The following SLCO4A1 variants were observed in gnomAD, a reference collection of about 807,000 sequenced individuals.
The protein encoded by SLCO4A1 is solute carrier organic anion transporter family member 4A1.
A neutral mutation model predicts 64.6 loss-of-function variants in SLCO4A1; 51 were observed. That is an observed-to-expected ratio of 0.79 (90% confidence interval 0.63 to 1.00). The LOEUF is 1.00. Among genes scored for constraint, SLCO4A1 ranks in the 50% least tolerant of loss-of-function variants. The probability of loss-of-function intolerance (pLI) is 0.00; values close to 1 mark genes in which losing one functional copy is unlikely to be tolerated. For missense variants in SLCO4A1, 919 were observed against 980.5 expected (o/e 0.94, Z 0.84); for synonymous variants, 471 against 444.9 (o/e 1.06, Z -0.74).
chr20:62,677,420 C>G (rs896778797), intron 2 of SLCO4A1, among the ~76,000 whole-genome samples: 1 of 152,212 alleles, frequency 6.6e-6, no homozygotes, highest in Admixed American at 6.5e-5. Flanking sequence ...CCATAACTTT[C>G]TGGTGTCTGT....
downstream of SLCO4A1, among the ~76,000 whole-genome samples, chr20:62,686,619 T>C (rs1416376690): frequency 6.6e-6 from 1 of 152,248 alleles, no homozygotes; most frequent in Non-Finnish European, 1.5e-5. Context: ...GGTTTTGTTT[T>C]CTTTCTTTTA....
downstream of SLCO4A1, among the ~76,000 whole-genome samples, chr20:62,689,331 G>A (rs904356422): frequency 4.6e-4 from 69 of 148,604 alleles, no homozygotes; most frequent in Middle Eastern, 3.4e-3. Flanking sequence ...CCCGTGCCTC[G>A]CAGGCCTGTC....
chr20:62,683,154 G>A (rs16983163), intron 2 of SLCO4A1, among the ~76,000 whole-genome samples: 25,534 of 152,264 alleles, frequency 0.17, 2,703 homozygotes, highest in East Asian at 0.36. Context: ...TGTGATCACC[G>A]TTTAATGACT....
intron 2 of SLCO4A1, among the ~76,000 whole-genome samples, chr20:62,680,756 T>C (rs992196146): frequency 2.6e-5 from 4 of 152,230 alleles, no homozygotes; most frequent in Non-Finnish European, 5.9e-5. Context: ...CAAATGTTGC[T>C]GGATTCAATT....
chr20:62,645,231 C>CA lies in SLCO4A1; in HGVS notation c.-97+2679dup, dbSNP rs1392533288. On this transcript the variant is annotated intron_variant, in intron 1 of 11. Transcript: ENST00000217159. This position sits in a 1 kb window ranked among gnomAD's most constrained non-coding sequence, Gnocchi z 4.2. ...AACAGGGAGGGAGGTGCCAGTAACT[C>CA]ACATGCTAGGTTAACAGGTTCTGGG... 6.6e-6 allele frequency among the ~76,000 whole-genome samples: 1 copy of CA among 152,148 alleles called. No individual in the cohort carries two copies. Among genetic ancestry groups the CA allele is most frequent in the African/African-American group, 2.4e-5 (1 of 41,428 alleles).
chr20:62,666,741 C>G (rs1601667374), intron 7 of SLCO4A1, 166 bp downstream of exon 7: 1 of 646,094 alleles, frequency 1.5e-6, no homozygotes, highest in East Asian at 2.7e-5. Context: ...CCGGCAGCAT[C>G]CACGTGAAAA....
chr20:62,665,724 C>T (rs1322661281), intron 6 of SLCO4A1: 2 of 153,736 alleles, frequency 1.3e-5, no homozygotes, highest in Admixed American at 6.4e-5. Context: ...ACCTCACAAG[C>T]CCACATTCCC....
downstream of SLCO4A1, among the ~76,000 whole-genome samples, chr20:62,689,392 G>A (rs184389106): frequency 1.5e-3 from 234 of 152,264 alleles, 1 homozygote; most frequent in African/African-American, 5.2e-3. Context: ...CCATCACACC[G>A]GTGCTCGTGC....
At chr20:62,670,888 A>G (rs182837828) in intron 11 of SLCO4A1, among the ~76,000 whole-genome samples, 3,085 of 152,368 alleles carry the variant, frequency 0.02, 104 homozygotes, top group South Asian at 0.15. Context: ...ATGCAGGCTC[A>G]GGGCCATCAG....
chr20:62,682,156 G>A (rs770658812), intron 2 of SLCO4A1, among the ~76,000 whole-genome samples: 5 of 152,224 alleles, frequency 3.3e-5, no homozygotes, highest in Admixed American at 6.5e-5. Context: ...CCCACTACTG[G>A]TGTTAGCTTG....
Position 62,685,490 on chromosome 20 carries a change from C to T in SLCO4A1, n.261C>T, listed in dbSNP as rs1988029322. ...CTGTAAACCCCATCTGAGCCTTACA[C>T]ATAGATCTCCTTGAATTGGATTTTC... On this transcript the variant is annotated non_coding_transcript_exon_variant, in exon 3 of 3. Transcript: ENST00000466818. The surrounding 1 kb of genome is among the most constrained non-coding windows in gnomAD (Gnocchi z 4.6). The T allele has an allele frequency of 1.0e-6, 1 of 972,986 alleles. No homozygotes were observed. The highest frequency in any genetic ancestry group is 1.2e-6 in the Non-Finnish European group (1 of 818,542). The allele number at this position is 972,986 out of a possible 1,614,324, so 60.3% of individuals were successfully genotyped here. A position where few individuals can be genotyped will look rare whatever the true frequency, so the allele number is the denominator to read the frequency against.
At chr20:62,682,479 G>T (rs117032633) in intron 2 of SLCO4A1, among the ~76,000 whole-genome samples, 1 of 152,298 alleles carries the variant, frequency 6.6e-6, no homozygotes, top group South Asian at 2.1e-4. Flanking sequence ...ACAGATGAGC[G>T]TGGTGACCGC....
At chr20:62,665,226 G>T in intron 6 of SLCO4A1, 138 bp downstream of exon 6, 1 of 982,266 alleles carries the variant, frequency 1.0e-6, no homozygotes, top group East Asian at 2.6e-5. Flanking sequence ...CAGAGCAGGT[G>T]TGGAGAGCGC....
chr20:62,680,896 A>G (rs1410945478), intron 2 of SLCO4A1, among the ~76,000 whole-genome samples: 2 of 152,062 alleles, frequency 1.3e-5, no homozygotes, highest in African/African-American at 4.8e-5. Context: ...ATAACTTGGG[A>G]AATGTCTCAT....
In SLCO4A1 at chr20:62,644,093, G is replaced by C. The variant is rs1338319136; in HGVS notation, c.-97+1540G>C. On this transcript the variant is annotated intron_variant, in intron 1 of 11. Transcript: ENST00000217159. The surrounding 1 kb of genome is among the most constrained non-coding windows in gnomAD (Gnocchi z 5.4). ...GACCCAGAACAGCGTCCCAAGAGCT[G>C]GGCCTGCGGTTACTGGGCCAGAGTG... 6.6e-6 allele frequency among the ~76,000 whole-genome samples: 1 copy of C among 152,234 alleles called. No homozygotes were observed. Among genetic ancestry groups the C allele is most frequent in the African/African-American group, 2.4e-5 (1 of 41,460 alleles).
intron 1 of SLCO4A1, among the ~76,000 whole-genome samples, chr20:62,655,234 G>C (rs190444710): frequency 1.3e-5 from 2 of 149,056 alleles, no homozygotes; most frequent in African/African-American, 4.9e-5. Context: ...CAGCAGCCCC[G>C]GGAAGGACCC....
chr20:62,684,782 G>A (rs983674972), intron 2 of SLCO4A1, among the ~76,000 whole-genome samples: 1 of 152,096 alleles, frequency 6.6e-6, no homozygotes, highest in African/African-American at 2.4e-5. Context: ...CATCAGGGCA[G>A]CCCCCACCCC....
Position 62,672,125 on chromosome 20 carries a change from G to T in SLCO4A1, c.*232G>T. 7.0e-7 allele frequency: 1 copy of T among 1,418,852 alleles called. No homozygotes were observed. Among genetic ancestry groups the T allele is most frequent in the Non-Finnish European group, 9.2e-7 (1 of 1,084,342 alleles). The allele number at this position is 1,418,852 out of a possible 1,614,324, so 87.9% of individuals were successfully genotyped here. A position where few individuals can be genotyped will look rare whatever the true frequency, so the allele number is the denominator to read the frequency against. On this transcript the variant is annotated 3_prime_UTR_variant, in exon 12 of 12. Transcript: ENST00000217159. ...ATGGACACACAGTTTGCATCAGAAC[G>T]TGTTTATAGAATGTGTTTTATACCC...
At chr20:62,654,579 G>A (rs1031346649) in intron 1 of SLCO4A1, among the ~76,000 whole-genome samples, 1 of 152,214 alleles carries the variant, frequency 6.6e-6, no homozygotes, top group Non-Finnish European at 1.5e-5. Flanking sequence ...TTAGGGCTTC[G>A]GACTCTGCAG....
Sources: gnomAD v4.1 joint callset for allele counts (sites outside exome capture counted in the v4.1 genomes callset) on GRCh38, gnomAD v4.1.1 for gene constraint, Gnocchi (gnomAD v3.1) non-coding constraint, MANE v1.5 for transcripts, NCBI Gene and HGNC (gene_info 2026-07-23, HGNC 2026-07-21) for gene names.